The following EEF1AKMT4 variants were observed in gnomAD, a reference collection of about 807,000 sequenced individuals.
EEF1AKMT4 encodes eukaryotic translation elongation factor 1 alpha lysine specific methyltransferase 4.
EEF1AKMT4 carries 17 observed loss-of-function variants against 23.0 expected under a neutral mutation model. That is an observed-to-expected ratio of 0.74 (90% CI 0.51 to 1.11). The LOEUF is 1.11. Among genes scored for constraint, EEF1AKMT4 ranks in the 50% least tolerant of loss-of-function variants. EEF1AKMT4 has a pLI of 0.00. For missense variants in EEF1AKMT4, 318 were observed against 333.4 expected (o/e 0.95, Z 0.36); for synonymous variants, 140 against 141.4 (o/e 0.99, Z 0.07).
At chr3:184,254,581 C>T (rs536886504) in intron 1 of EEF1AKMT4, among the ~76,000 whole-genome samples, 4 of 147,974 alleles carry the variant, frequency 2.7e-5, no homozygotes, top group East Asian at 2.0e-4. Context: ...GGCGTGGTGG[C>T]GGGCGCCTGT....
chr3:184,250,011 G>A (rs2942052), intron 1 of EEF1AKMT4, 121 bp downstream of exon 1: 1 of 1,076,886 alleles, frequency 9.3e-7, no homozygotes, highest in Non-Finnish European at 1.3e-6. Flanking sequence ...GCGTTGGGAC[G>A]CGAGATCCAG....
At position 184,251,085 on chromosome 3, in the gene EEF1AKMT4, CA is replaced by C. The variant is rs57069077; in HGVS notation, c.196+1214del. Among the ~76,000 whole-genome samples, 269 of 70,888 alleles carry C rather than the reference CA, an allele frequency of 3.8e-3. 2 individuals are homozygous for C. Among genetic ancestry groups the C allele is most frequent in the Admixed American group, 4.7e-3 (29 of 6,214 alleles). The allele number at this position is 70,888 out of a possible 152,430, so 46.5% of individuals were successfully genotyped here. A position where few individuals can be genotyped will look rare whatever the true frequency, so the allele number is the denominator to read the frequency against. ...GTGCAAGAAGAGCAAAACTCTGTCT[CA>C]AAAAAAAAAAAAAAAAAAGAAAAGA... is the stretch of plus-strand genomic sequence containing the variant. On this transcript the variant is annotated intron_variant, in intron 1 of 2. Coordinates refer to ENST00000324557, the MANE Select transcript of EEF1AKMT4 (RefSeq NM_032331.4).
chr3:184,253,053 T>C (rs1057395239), intron 1 of EEF1AKMT4, among the ~76,000 whole-genome samples: 6 of 151,678 alleles, frequency 4.0e-5, no homozygotes, highest in Non-Finnish European at 1.5e-5. Flanking sequence ...CCTGCACTCA[T>C]TGTCTTAGAT....
chr3:184,258,532 A>T lies in EEF1AKMT4; in HGVS notation c.725A>T (p.Gln242Leu), dbSNP rs781219528. The change falls in exon 3 of 3, where the codon CAG (glutamine) becomes CTG (leucine). Residue 242 changes from glutamine (Q) to leucine (L), a missense_variant. Gln to Leu is a moderately radical substitution (Grantham distance 113). Coordinates refer to ENST00000324557, the MANE Select transcript of EEF1AKMT4 (RefSeq NM_032331.4). ...PRPPTSPCFL[Q>L]DSDHEDFLSA... ...CCTCCCACCTCACCTTGCTTCCTTC[A>T]GGACTCAGATCATGAGGACTTCCTT... 1 of 1,609,192 alleles carries T rather than the reference A, an allele frequency of 6.2e-7. No individual in the cohort carries two copies.
intron 1 of EEF1AKMT4, among the ~76,000 whole-genome samples, chr3:184,252,174 A>G (rs1719588694): frequency 6.6e-6 from 1 of 152,226 alleles, no homozygotes; most frequent in African/African-American, 2.4e-5. Context: ...CAAGCTTCAC[A>G]GCAGATTCTT....
chr3:184,249,914 G>T, intron 1 of EEF1AKMT4, 24 bp downstream of exon 1: 4 of 1,598,966 alleles, frequency 2.5e-6, no homozygotes, highest in Non-Finnish European at 3.4e-6. Flanking sequence ...GCGCGGCCCC[G>T]CCAGGTAGAG....
chr3:184,257,082 C>A (rs182100989), intron 1 of EEF1AKMT4, among the ~76,000 whole-genome samples: 1 of 151,600 alleles, frequency 6.6e-6, no homozygotes, highest in African/African-American at 2.4e-5. Context: ...TGGTGGCACG[C>A]GCCTGTAATC....
chr3:184,251,032 C>T (rs1719519341), intron 1 of EEF1AKMT4, among the ~76,000 whole-genome samples: 1 of 149,426 alleles, frequency 6.7e-6, no homozygotes, highest in South Asian at 2.1e-4. Flanking sequence ...TTGTGGTGAG[C>T]CAAGATCATG....
intron 1 of EEF1AKMT4, among the ~76,000 whole-genome samples, chr3:184,251,909 A>G (rs1719574313): frequency 6.6e-6 from 1 of 152,254 alleles, no homozygotes; most frequent in African/African-American, 2.4e-5. Flanking sequence ...CATGAAGGAT[A>G]CCTAGAACAA....
intron 1 of EEF1AKMT4, among the ~76,000 whole-genome samples, chr3:184,250,362 A>G (rs1168635009): frequency 6.6e-6 from 1 of 152,232 alleles, no homozygotes; most frequent in Non-Finnish European, 1.5e-5. Flanking sequence ...GCCCCTGGGC[A>G]CTGGGAGCCA....
In EEF1AKMT4 at chr3:184,257,620, G is replaced by T; in HGVS notation, c.344G>T (p.Arg115Leu). The T allele has an allele frequency of 6.2e-7, 1 of 1,614,160 alleles. No homozygotes were observed. The highest frequency in any genetic ancestry group is 1.3e-5 in the African/African-American group (1 of 75,050). The change falls in exon 2 of 3, where the codon CGG becomes CTG. Residue 115 changes from arginine (R) to leucine (L), a missense_variant. Physicochemically the swap from Arg to Leu is moderately radical, Grantham distance 102 (BLOSUM62 -2). Coordinates refer to ENST00000324557, the MANE Select transcript of EEF1AKMT4 (RefSeq NM_032331.4). ...CTGCGCTGGGAGACCATGGATGTGC[G>T]GAAGCTGGACTTCCCCAGTGCTTCT... is the stretch of plus-strand genomic sequence containing the variant. ...PQLRWETMDV[R>L]KLDFPSASFD...
Position 184,258,435 on chromosome 3 carries a change from C to G in EEF1AKMT4, c.628C>G (p.Leu210Val). The stretch of plus-strand genomic sequence containing the variant: ...CAGCGGTTTCCACTTCCATCTCTAC[C>G]TCATGCACAAGGGCGGGAAGCTCAG... Reference protein sequence around the residue: ...YGSGFHFHLYLMHKGGKLSVA... With the variant: ...YGSGFHFHLYVMHKGGKLSVA... The change falls in exon 3 of 3, where the codon CTC becomes GTC. Residue 210 changes from leucine (L) to valine (V), a missense_variant. Physicochemically the swap from Leu to Val is conservative, Grantham distance 32. Coordinates refer to ENST00000324557, the MANE Select transcript of EEF1AKMT4 (RefSeq NM_032331.4). 1 of 1,613,984 alleles carries G rather than the reference C, an allele frequency of 6.2e-7. No homozygotes were observed.
intron 1 of EEF1AKMT4, among the ~76,000 whole-genome samples, chr3:184,256,793 C>T (rs1411785544): frequency 1.3e-5 from 2 of 151,800 alleles, no homozygotes; most frequent in Non-Finnish European, 2.9e-5. Flanking sequence ...GCCTCAGCCT[C>T]CCAAGTAGCT....
chr3:184,257,387 C>A, intron 1 of EEF1AKMT4, 86 bp from the exon 2 acceptor site: 1 of 1,381,840 alleles, frequency 7.2e-7, no homozygotes. Flanking sequence ...TGAGAGAAAA[C>A]GGGGCCAAGA....
chr3:184,252,842 C>T (rs1208509111), intron 1 of EEF1AKMT4, among the ~76,000 whole-genome samples: 1 of 149,424 alleles, frequency 6.7e-6, no homozygotes, highest in Non-Finnish European at 1.5e-5. Flanking sequence ...ACTCCAGAGG[C>T]TGAGGCAAGA....
chr3:184,251,586 C>T (rs984892528), intron 1 of EEF1AKMT4, among the ~76,000 whole-genome samples: 3 of 152,040 alleles, frequency 2.0e-5, no homozygotes, highest in African/African-American at 7.2e-5. Context: ...GCCCATAGTC[C>T]GAGTTACTCA....
At chr3:184,256,735 A>G (rs1577118007) in intron 1 of EEF1AKMT4, among the ~76,000 whole-genome samples, 1 of 151,590 alleles carries the variant, frequency 6.6e-6, no homozygotes, top group East Asian at 2.0e-4. Context: ...CAATGGCACA[A>G]TCTTGGCTCA....
chr3:184,256,428 A>G (rs1350730849), intron 1 of EEF1AKMT4, among the ~76,000 whole-genome samples: 1 of 152,176 alleles, frequency 6.6e-6, no homozygotes, highest in Non-Finnish European at 1.5e-5. Context: ...CCCAGGGTTG[A>G]TATCTTCTAA....
At chr3:184,252,101 T>A (rs1719586741) in intron 1 of EEF1AKMT4, among the ~76,000 whole-genome samples, 1 of 152,336 alleles carries the variant, frequency 6.6e-6, no homozygotes, top group Non-Finnish European at 1.5e-5. Flanking sequence ...GGAACTAGAC[T>A]GCACTGTGAG....
Sources: allele counts gnomAD v4.1 joint callset (sites outside exome capture counted in the v4.1 genomes callset), GRCh38; gene constraint gnomAD v4.1.1; transcripts MANE v1.5; gene names NCBI Gene and HGNC (gene_info 2026-07-23, HGNC 2026-07-21).